KIRREL3: variants seen among roughly 807,000 people sequenced by gnomAD.
KIRREL3 encodes kirre like nephrin family adhesion molecule 3, also known as kin of IRRE-like protein 3.
Under a neutral mutation model 89.7 loss-of-function variants are expected in KIRREL3, and 36 were observed. The ratio of observed to expected loss-of-function variants is 0.40; its 90% CI spans 0.31 to 0.53. The LOEUF (loss-of-function observed/expected upper bound fraction) is 0.53, where lower values mean the gene tolerates loss of function less well. Ranked by LOEUF, KIRREL3 falls within the 20% of genes least tolerant of loss-of-function variation. KIRREL3 has a pLI of 0.49. For missense variants in KIRREL3, 864 were observed against 1,056.6 expected (o/e 0.82, Z 2.53); for synonymous variants, 445 against 441.4 (o/e 1.01, Z -0.10).
At chr11:126,850,797 G>A (rs1186376002) in intron 1 of KIRREL3, among the ~76,000 whole-genome samples, 3 of 152,216 alleles carry the variant, frequency 2.0e-5, no homozygotes, top group Admixed American at 2.0e-4. Context: ...CAGGGGACCT[G>A]AGGATAATAG....
intron 5 of KIRREL3, among the ~76,000 whole-genome samples, chr11:126,464,585 T>A: frequency 6.7e-6 from 1 of 149,316 alleles, no homozygotes; most frequent in African/African-American, 2.5e-5. Context: ...AAAGAGAAAG[T>A]GAAAGAGAAG....
At position 126,768,250 on chromosome 11, in the gene KIRREL3, A is replaced by ACATG. The variant is rs1949907692; in HGVS notation, c.56-205342_56-205339dup. Among the ~76,000 whole-genome samples, 1 of 120,300 alleles carries ACATG rather than the reference A, an allele frequency of 8.3e-6. No homozygotes were observed. Among genetic ancestry groups the ACATG allele is most frequent in the African/African-American group, 3.3e-5 (1 of 30,084 alleles). The allele number at this position is 120,300 out of a possible 152,430, so 78.9% of individuals were successfully genotyped here. A position where few individuals can be genotyped will look rare whatever the true frequency, so the allele number is the denominator to read the frequency against. On this transcript the variant is annotated intron_variant, in intron 1 of 16. Coordinates refer to ENST00000525144, the MANE Select transcript of KIRREL3 (RefSeq NM_032531.4). This position sits in a 1 kb window ranked among gnomAD's most constrained non-coding sequence, Gnocchi z 4.5. ...TCAATCTGTCCATCTGTCCATCCAT[A>ACATG]CATGCATCCACCCATCCATCCATCC...
Position 126,808,537 on chromosome 11 carries a change from T to C in KIRREL3, c.55+191918A>G, listed in dbSNP as rs148347587. 3.6e-4 allele frequency among the ~76,000 whole-genome samples: 55 copies of C among 152,350 alleles called. No individual in the cohort carries two copies. The East Asian group carries it at 0.01, about 28-fold the overall frequency. On this transcript the variant is annotated intron_variant, in intron 1 of 16. Coordinates refer to ENST00000525144, the MANE Select transcript of KIRREL3 (RefSeq NM_032531.4). This position sits in a 1 kb window ranked among gnomAD's most constrained non-coding sequence, Gnocchi z 4.1. ...ACTCCACAGGCTTACTGCAGGGCTA[T>C]ACAAAAAGGTATTTTATGTCCTTAG...
At position 126,919,779 on chromosome 11, in the gene KIRREL3, AAGTTTTAGAGG is replaced by A. The variant is rs565252717; in HGVS notation, c.55+80665_55+80675del. On this transcript the variant is annotated intron_variant, in intron 1 of 16. Coordinates refer to ENST00000525144, the MANE Select transcript of KIRREL3 (RefSeq NM_032531.4). ...CATGACTTTCAGATTACATGCAAAGAAGTTTTAGAGGTTAAGAGTTCCAAAGAGGACAGACA... is the reference window on the plus strand; with the variant it reads ...CATGACTTTCAGATTACATGCAAAGATTAAGAGTTCCAAAGAGGACAGACA... 3.4e-4 allele frequency among the ~76,000 whole-genome samples: 52 copies of A among 152,294 alleles called. 1 individual carries two copies. The South Asian group carries it at 0.011, about 32-fold the overall frequency.
rs1322184107 is a variant in KIRREL3 at position 126,908,173 on chromosome 11, C to A, written c.55+92282G>T. Among the ~76,000 whole-genome samples, 2 of 152,098 alleles carry A rather than the reference C, an allele frequency of 1.3e-5. No homozygotes were observed. Among genetic ancestry groups the A allele is most frequent in the African/African-American group, 2.4e-5 (1 of 41,402 alleles). On this transcript the variant is annotated intron_variant, in intron 1 of 16. Transcript: ENST00000525144. This position sits in a 1 kb window ranked among gnomAD's most constrained non-coding sequence, Gnocchi z 4.2. ...AGGCAAATATCTGTTTTGTTTACTG[C>A]CGTATTTTCAGTGCCTAGGCACATA...
chr11:126,872,952 T>A lies in KIRREL3; in HGVS notation c.55+127503A>T, dbSNP rs1399092233. ...GGTCAAGTCCTTCTCCCATAATCAC[T>A]TGGATGGAAAATTAAAGCAGCCTGC... is the stretch of plus-strand genomic sequence containing the variant. On this transcript the variant is annotated intron_variant, in intron 1 of 16. Transcript: ENST00000525144. This position sits in a 1 kb window ranked among gnomAD's most constrained non-coding sequence, Gnocchi z 4.2. 6.6e-6 allele frequency among the ~76,000 whole-genome samples: 1 copy of A among 152,094 alleles called. No homozygotes were observed. Among genetic ancestry groups the A allele is most frequent in the Admixed American group, 6.5e-5 (1 of 15,282 alleles).
intron 1 of KIRREL3, among the ~76,000 whole-genome samples, chr11:126,959,820 T>C (rs1949030834): frequency 6.6e-6 from 1 of 152,160 alleles, no homozygotes; most frequent in Admixed American, 6.6e-5. Context: ...CTCCAGGATG[T>C]GGACTGTGCC....
At chr11:126,786,367 T>C (rs919393594) in intron 1 of KIRREL3, among the ~76,000 whole-genome samples, 1 of 152,222 alleles carries the variant, frequency 6.6e-6, no homozygotes, top group Non-Finnish European at 1.5e-5. Context: ...TTTTCTTTGG[T>C]TTCCAAATTT....
At position 126,620,187 on chromosome 11, in the gene KIRREL3, A is replaced by T. The variant is rs1208785528; in HGVS notation, c.56-57275T>A. Among the ~76,000 whole-genome samples the T allele has an allele frequency of 6.6e-6, 1 of 151,766 alleles. No individual in the cohort carries two copies. Among genetic ancestry groups the T allele is most frequent in the Non-Finnish European group, 1.5e-5 (1 of 67,920 alleles). ...CAAGGCTACTTTCTTCCTTCTTAAA[A>T]TTTTTCCAATCAGCTATTATAGTTC... On this transcript the variant is annotated intron_variant, in intron 1 of 16. Coordinates refer to ENST00000525144, the MANE Select transcript of KIRREL3 (RefSeq NM_032531.4). This position sits in a 1 kb window ranked among gnomAD's most constrained non-coding sequence, Gnocchi z 4.8.
chr11:126,506,351 G>A (rs191255478), intron 4 of KIRREL3, among the ~76,000 whole-genome samples: 73 of 152,276 alleles, frequency 4.8e-4, no homozygotes, highest in African/African-American at 1.4e-3. Context: ...TTTGCAAGTC[G>A]TATATCTGGT....
chr11:126,482,635 G>C (rs1957252760), intron 4 of KIRREL3, among the ~76,000 whole-genome samples: 1 of 152,230 alleles, frequency 6.6e-6, no homozygotes, highest in Admixed American at 6.5e-5. Flanking sequence ...AGACGGGCAG[G>C]GGAGCTGGGA....
intron 2 of KIRREL3, among the ~76,000 whole-genome samples, chr11:126,534,415 C>G (rs1392612725): frequency 6.6e-6 from 1 of 152,192 alleles, no homozygotes; most frequent in Non-Finnish European, 1.5e-5. Context: ...ACACAGCGGT[C>G]TCTCTCCCAC....
chr11:126,918,593 G>C lies in KIRREL3; in HGVS notation c.55+81862C>G, dbSNP rs1043367356. Among the ~76,000 whole-genome samples the C allele has an allele frequency of 1.3e-5, 2 of 152,172 alleles. No individual in the cohort carries two copies. Among genetic ancestry groups the C allele is most frequent in the African/African-American group, 4.8e-5 (2 of 41,450 alleles). On this transcript the variant is annotated intron_variant, in intron 1 of 16. Coordinates refer to ENST00000525144, the MANE Select transcript of KIRREL3 (RefSeq NM_032531.4). This position sits in a 1 kb window ranked among gnomAD's most constrained non-coding sequence, Gnocchi z 6.5. ...CATAGGTTAGGTACATTTACACAGAGAACTAAAATGATACATTCTCTGCCT... is the reference window on the plus strand; with the variant it reads ...CATAGGTTAGGTACATTTACACAGACAACTAAAATGATACATTCTCTGCCT...
intron 1 of KIRREL3, among the ~76,000 whole-genome samples, chr11:126,925,728 C>T (rs558233829): frequency 6.6e-6 from 1 of 152,234 alleles, no homozygotes; most frequent in Non-Finnish European, 1.5e-5. Context: ...CCTACTCCCA[C>T]CCTCCCTGCT....
Position 126,778,477 on chromosome 11 carries a change from G to A in KIRREL3, c.56-215565C>T, listed in dbSNP as rs955526107. 1.3e-5 allele frequency among the ~76,000 whole-genome samples: 2 copies of A among 152,162 alleles called. No individual in the cohort carries two copies. The highest frequency in any genetic ancestry group is 4.8e-5 in the African/African-American group (2 of 41,438). On this transcript the variant is annotated intron_variant, in intron 1 of 16. Coordinates refer to ENST00000525144, the MANE Select transcript of KIRREL3 (RefSeq NM_032531.4). The surrounding 1 kb of genome is among the most constrained non-coding windows in gnomAD (Gnocchi z 4.5). The stretch of plus-strand genomic sequence containing the variant: ...TGCAACTGTGAGGTTGTGCTATAAT[G>A]TATTAAGCCAATCCTCAATTGTTGG...
rs1379360596 is a variant in KIRREL3, at chr11:126,636,644, C to G, written c.56-73732G>C. Among the ~76,000 whole-genome samples, 2 of 152,218 alleles carry G rather than the reference C, an allele frequency of 1.3e-5. No individual in the cohort carries two copies. Among genetic ancestry groups the G allele is most frequent in the African/African-American group, 4.8e-5 (2 of 41,458 alleles). On this transcript the variant is annotated intron_variant, in intron 1 of 16. Transcript: ENST00000525144. The surrounding 1 kb of genome is among the most constrained non-coding windows in gnomAD (Gnocchi z 4.4). ...TCCTGGACCCAGCTTACTGCCTGCTCTGCTGCCAGCACCCTTTCTTGTGTC... is the reference window on the plus strand; with the variant it reads ...TCCTGGACCCAGCTTACTGCCTGCTGTGCTGCCAGCACCCTTTCTTGTGTC...
chr11:126,798,820 G>T (rs1950893493), intron 1 of KIRREL3, among the ~76,000 whole-genome samples: 1 of 152,224 alleles, frequency 6.6e-6, no homozygotes, highest in Non-Finnish European at 1.5e-5. Context: ...TAAAAAGAAA[G>T]AACATGGGTT....
At chr11:126,923,438 TCTC>T (rs774108133) in intron 1 of KIRREL3, among the ~76,000 whole-genome samples, 9 of 128,568 alleles carry the variant, frequency 7.0e-5, no homozygotes, top group Non-Finnish European at 1.3e-4. Flanking sequence ...TTCCTCTTCT[TCTC>T]CTTCTTTTTT....
chr11:126,813,530 G>A (rs961067653), intron 1 of KIRREL3, among the ~76,000 whole-genome samples: 1 of 152,142 alleles, frequency 6.6e-6, no homozygotes, highest in African/African-American at 2.4e-5. Context: ...ACTTCATTGA[G>A]TGGGAATTCT....
Sources: gnomAD v4.1 joint callset for allele counts (sites outside exome capture counted in the v4.1 genomes callset) on GRCh38, gnomAD v4.1.1 for gene constraint, Gnocchi (gnomAD v3.1) non-coding constraint, MANE v1.5 for transcripts, NCBI Gene and HGNC (gene_info 2026-07-23, HGNC 2026-07-21) for gene names.